GRAMD1C: variants seen among roughly 807,000 people sequenced by gnomAD.
The protein encoded by GRAMD1C is GRAM domain containing 1C, also known as protein Aster-C.
Under a neutral mutation model 97.8 loss-of-function variants are expected in GRAMD1C, and 89 were observed. That is an observed-to-expected ratio of 0.91 (90% CI 0.77 to 1.09). GRAMD1C has a LOEUF of 1.09. GRAMD1C is among the 50% of genes least tolerant of loss of function. The pLI is 0.00. For synonymous variants in GRAMD1C, 256 were observed against 267.0 expected (o/e 0.96, Z 0.40); for missense variants, 740 against 766.4 (o/e 0.97, Z 0.41).
At chr3:113,855,031 G>A (rs1934061123) in intron 2 of GRAMD1C, among the ~76,000 whole-genome samples, 2 of 152,186 alleles carry the variant, frequency 1.3e-5, no homozygotes, top group Admixed American at 1.3e-4. Flanking sequence ...GTGACACTGA[G>A]CTGAGCATGG....
At chr3:113,897,483 A>G (rs1256407951) in intron 6 of GRAMD1C, 1 of 976,058 alleles carries the variant, frequency 1.0e-6, no homozygotes, top group African/African-American at 1.8e-5. Context: ...AGAGTGAGGT[A>G]TAACTTCCAA....
At chr3:113,890,594 A>C in intron 6 of GRAMD1C, 1 of 550,008 alleles carries the variant, frequency 1.8e-6, no homozygotes. Context: ...CAGTGTTGCC[A>C]TAGGGACCTG....
intron 17 of GRAMD1C, among the ~76,000 whole-genome samples, chr3:113,941,218 G>T (rs1937759457): frequency 6.6e-6 from 1 of 152,106 alleles, no homozygotes; most frequent in Non-Finnish European, 1.5e-5. Flanking sequence ...CTTATAAATG[G>T]TTTGATGAGA....
chr3:113,908,580 T>C (rs940446919), intron 8 of GRAMD1C, among the ~76,000 whole-genome samples: 2 of 152,168 alleles, frequency 1.3e-5, no homozygotes, highest in African/African-American at 4.8e-5. Context: ...GGGCAGGCAC[T>C]GGCTGGGGAA....
intron 2 of GRAMD1C, among the ~76,000 whole-genome samples, chr3:113,847,146 A>G (rs1933646779): frequency 6.6e-6 from 1 of 152,222 alleles, no homozygotes; most frequent in Non-Finnish European, 1.5e-5. Flanking sequence ...TAGAGATACC[A>G]GCAAGAAATG....
chr3:113,843,055 T>TG (rs1933428663), intron 1 of GRAMD1C, among the ~76,000 whole-genome samples: 2 of 140,324 alleles, frequency 1.4e-5, no homozygotes, highest in Admixed American at 1.4e-4. Context: ...AGCTGTTTTT[T>TG]TTTTTTTTTT....
intron 17 of GRAMD1C, among the ~76,000 whole-genome samples, chr3:113,945,131 G>A (rs1026169611): frequency 4.6e-5 from 7 of 152,162 alleles, no homozygotes; most frequent in African/African-American, 9.7e-5. Flanking sequence ...CTGTCACTAC[G>A]CTTAATTTGA....
intron 6 of GRAMD1C, among the ~76,000 whole-genome samples, chr3:113,899,783 G>T (rs1464562513): frequency 6.6e-6 from 1 of 152,162 alleles, no homozygotes; most frequent in Admixed American, 6.5e-5. Flanking sequence ...TAGGTAATGT[G>T]TGAGTTTGTT....
At chr3:113,850,245 GT>G in intron 2 of GRAMD1C, 1 of 625,586 alleles carries the variant, frequency 1.6e-6, no homozygotes, top group Admixed American at 1.9e-5. Context: ...TTTTACTGAG[GT>G]GGCTGACCAC....
rs773009322 is a variant in GRAMD1C at position 113,871,022 on chromosome 3, CAGAG to C, written c.259+1432_259+1435del. On this transcript the variant is annotated intron_variant, in intron 3 of 17. Coordinates refer to ENST00000358160, the MANE Select transcript of GRAMD1C (RefSeq NM_017577.5). ...ACACACACACACACACACACACACACAGAGGAATATTAAGTACTAAGAAAATATA... is the reference window on the plus strand; with the variant it reads ...ACACACACACACACACACACACACACGAATATTAAGTACTAAGAAAATATA... Among the ~76,000 whole-genome samples, 131 of 43,238 alleles carry C rather than the reference CAGAG, an allele frequency of 3.0e-3. 1 individual carries two copies. The highest frequency in any genetic ancestry group is 8.5e-3 in the African/African-American group (123 of 14,542). 28.4% of individuals were successfully genotyped at this position (43,238 alleles called of 152,430 possible).
Position 113,900,982 on chromosome 3 carries a change from T to G in GRAMD1C, c.541-49T>G, listed in dbSNP as rs769623152. 1.4e-5 allele frequency: 13 copies of G among 929,046 alleles called. No individual in the cohort carries two copies. The South Asian group carries it at 1.7e-4, about 12-fold the overall frequency. The allele number at this position is 929,046 out of a possible 1,614,324, so 57.6% of individuals were successfully genotyped here. A position where few individuals can be genotyped will look rare whatever the true frequency, so the allele number is the denominator to read the frequency against. On this transcript the variant is annotated intron_variant, in intron 6 of 17. Transcript: ENST00000358160. ...ACTCATGTTTTGAATCACTGTGATATTATATTTTATATTTTCCAATGCTCA... is the reference window on the plus strand; with the variant it reads ...ACTCATGTTTTGAATCACTGTGATAGTATATTTTATATTTTCCAATGCTCA...
intron 1 of GRAMD1C, among the ~76,000 whole-genome samples, chr3:113,839,779 C>A (rs1027255413): frequency 6.6e-6 from 1 of 152,124 alleles, no homozygotes; most frequent in Admixed American, 6.5e-5. Flanking sequence ...ATTGTCTAGA[C>A]TAGAGATAAA....
At chr3:113,830,700 T>C (rs1709546396) in intron 1 of GRAMD1C, among the ~76,000 whole-genome samples, 2 of 152,254 alleles carry the variant, frequency 1.3e-5, no homozygotes, top group African/African-American at 4.8e-5. Context: ...ACTGTTTTCT[T>C]GTGGTTCACT....
intron 9 of GRAMD1C, among the ~76,000 whole-genome samples, chr3:113,911,794 C>G (rs890301667): frequency 6.7e-6 from 1 of 149,740 alleles, no homozygotes; most frequent in African/African-American, 2.4e-5. Flanking sequence ...GTAGCACGAT[C>G]TCGGCTCACT....
chr3:113,864,960 C>T (rs2107360465), intron 2 of GRAMD1C, among the ~76,000 whole-genome samples: 1 of 152,234 alleles, frequency 6.6e-6, no homozygotes, highest in East Asian at 1.9e-4. Context: ...ACCCTGTTTT[C>T]TGTTGCTATA....
intron 11 of GRAMD1C, 63 bp from the exon 12 acceptor site, chr3:113,933,448 A>G: frequency 1.7e-6 from 2 of 1,171,922 alleles, no homozygotes; most frequent in Admixed American, 1.8e-5. Context: ...CATGTTCTAA[A>G]TTGGCAAGAA....
chr3:113,889,738 A>G (rs1019693338), intron 6 of GRAMD1C, among the ~76,000 whole-genome samples: 1 of 151,882 alleles, frequency 6.6e-6, no homozygotes, highest in Non-Finnish European at 1.5e-5. Context: ...TCCTAGGTTC[A>G]AGTGATTCTC....
chr3:113,860,668 TA>T (rs1436569142), intron 2 of GRAMD1C, among the ~76,000 whole-genome samples: 2 of 152,040 alleles, frequency 1.3e-5, no homozygotes, highest in Non-Finnish European at 2.9e-5. Flanking sequence ...TGGATTGGCA[TA>T]AAAATAGACT....
At chr3:113,861,356 T>A (rs1934367885) in intron 2 of GRAMD1C, among the ~76,000 whole-genome samples, 1 of 152,096 alleles carries the variant, frequency 6.6e-6, no homozygotes, top group Admixed American at 6.5e-5. Context: ...TCATTAAAAT[T>A]AGTGCCATGT....
Sources: gnomAD v4.1 joint callset for allele counts (sites outside exome capture counted in the v4.1 genomes callset) on GRCh38, gnomAD v4.1.1 for gene constraint, MANE v1.5 for transcripts, NCBI Gene and HGNC (gene_info 2026-07-23, HGNC 2026-07-21) for gene names.